The following COL6A5 variants were observed in gnomAD, a reference collection of about 807,000 sequenced individuals.
COL6A5 encodes the protein collagen type VI alpha 5 chain, also known as collagen alpha-5(VI) chain.
COL6A5 carries 48 observed loss-of-function variants against 65.6 expected under a neutral mutation model. That is an observed-to-expected ratio of 0.73 (90% CI 0.58 to 0.93). The LOEUF is 0.93. Among genes scored for constraint, COL6A5 ranks in the 40% least tolerant of loss-of-function variants. COL6A5 has a pLI of 0.00. For synonymous variants in COL6A5, 291 were observed against 322.8 expected (o/e 0.90, Z 1.05); for missense variants, 914 against 928.3 (o/e 0.98, Z 0.20).
chr3:130,438,173 T>C (rs943043518), intron 1 of COL6A5, among the ~76,000 whole-genome samples: 3 of 152,178 alleles, frequency 2.0e-5, no homozygotes, highest in African/African-American at 7.2e-5. Flanking sequence ...AATTTTTGTA[T>C]GTTTAGTAGA....
At chr3:130,412,721 A>G (rs913997966) in intron 20 of COL6A5, among the ~76,000 whole-genome samples, 2 of 152,146 alleles carry the variant, frequency 1.3e-5, no homozygotes, top group Non-Finnish European at 2.9e-5. Flanking sequence ...CTTAAAAGCA[A>G]AAAGTAGCTT....
intron 4 of COL6A5, among the ~76,000 whole-genome samples, chr3:130,445,390 T>C (rs1487349258): frequency 1.3e-5 from 2 of 152,318 alleles, no homozygotes; most frequent in African/African-American, 2.4e-5. Context: ...TAAATGACAA[T>C]TAATGCGTTG....
At chr3:130,348,145 G>A (rs1342655727) in intron 1 of COL6A5, among the ~76,000 whole-genome samples, 1 of 152,168 alleles carries the variant, frequency 6.6e-6, no homozygotes, top group African/African-American at 2.4e-5. Context: ...TGAGATACAT[G>A]TGCTGAACAT....
intron 2 of COL6A5, 56 bp downstream of exon 2, chr3:130,373,761 A>G (rs1935651272): frequency 2.0e-6 from 2 of 1,004,868 alleles, no homozygotes; most frequent in Non-Finnish European, 3.0e-6. Flanking sequence ...CATCTCAGTA[A>G]ACTTTAATAA....
At chr3:130,462,324 C>T (rs819078) in intron 5 of COL6A5, among the ~76,000 whole-genome samples, 2,191 of 152,102 alleles carry the variant, frequency 0.014, 45 homozygotes, top group African/African-American at 0.042. Context: ...GTTAAGCATG[C>T]GTCAGCACAA....
At chr3:130,421,174 T>G (rs1937510575) in exon 26 of COL6A5, 1 of 1,550,624 alleles carries the variant, frequency 6.4e-7, no homozygotes. Context: ...CATCCCAGGC[T>G]ACGGTCAGAT....
At chr3:130,417,500 A>G (rs1937378484) in intron 24 of COL6A5, among the ~76,000 whole-genome samples, 1 of 152,114 alleles carries the variant, frequency 6.6e-6, no homozygotes, top group Admixed American at 6.5e-5. Context: ...CCCATCAGAA[A>G]CAACTCTAAA....
chr3:130,403,644 G>A (rs908354264), exon 13 of COL6A5: 34 of 1,550,828 alleles, frequency 2.2e-5, no homozygotes, highest in African/African-American at 4.1e-5. Flanking sequence ...GAGGACACAG[G>A]GGAGAGGATG....
At position 130,423,918 on chromosome 3, in the gene COL6A5, A is replaced by T. The variant is rs1937558969; in HGVS notation, c.5163+18A>T. ...GACAGAGAGTAAGTGTATCCATAAG[A>T]ACTAAATAGGATATAGTAGTTTCCA... On this transcript the variant is annotated intron_variant and NMD_transcript_variant, in intron 29 of 41. Transcript: ENST00000312481. The T allele has an allele frequency of 6.5e-7, 1 of 1,528,834 alleles. No individual in the cohort carries two copies. Among genetic ancestry groups the T allele is most frequent in the African/African-American group, 1.4e-5 (1 of 72,518 alleles). The allele number at this position is 1,528,834 out of a possible 1,614,324, so 94.7% of individuals were successfully genotyped here.
At chr3:130,477,280 G>A in intron 7 of COL6A5, 2 of 499,048 alleles carry the variant, frequency 4.0e-6, no homozygotes, top group Non-Finnish European at 3.5e-6. Flanking sequence ...ATCCCTATTT[G>A]AATTATCTAA....
upstream of COL6A5, chr3:130,426,517 T>A: frequency 9.6e-7 from 1 of 1,037,512 alleles, no homozygotes; most frequent in Non-Finnish European, 1.5e-6. Context: ...GGGAAGCCTC[T>A]GTAACAAGCT....
chr3:130,389,694 A>G (rs1160032079), intron 6 of COL6A5, among the ~76,000 whole-genome samples: 1 of 151,850 alleles, frequency 6.6e-6, no homozygotes, highest in Admixed American at 6.6e-5. Context: ...AAAAATTGTA[A>G]TTTGTCACTT....
chr3:130,439,470 C>T (rs916303302), intron 1 of COL6A5, 52 bp from the exon 34 acceptor site: 22 of 1,349,230 alleles, frequency 1.6e-5, no homozygotes, highest in Non-Finnish European at 2.2e-5. Context: ...TGGTTTCCTA[C>T]TAGTGACTAA....
At chr3:130,395,053 C>A in exon 8 of COL6A5, 1 of 1,551,646 alleles carries the variant, frequency 6.4e-7, no homozygotes, top group Non-Finnish European at 8.7e-7. Flanking sequence ...TTGGAAGCAA[C>A]TACCAGAGTA....
intron 27 of COL6A5, among the ~76,000 whole-genome samples, chr3:130,422,219 T>C (rs1450233652): frequency 1.3e-5 from 2 of 152,082 alleles, no homozygotes; most frequent in Non-Finnish European, 2.9e-5. Context: ...GTCCTCATTG[T>C]AGAGGATCAA....
At chr3:130,421,032 A>G (rs978251353) in intron 25 of COL6A5, 121 bp from the exon 26 acceptor site, 15 of 823,452 alleles carry the variant, frequency 1.8e-5, no homozygotes, top group African/African-American at 8.6e-5. Context: ...AAGGTCACCA[A>G]TTAGGCCCCT....
Position 130,367,022 on chromosome 3 carries a change from T to G in COL6A5, c.-28-6589T>G, listed in dbSNP as rs148395433. Among the ~76,000 whole-genome samples, 22 of 152,364 alleles carry G rather than the reference T, an allele frequency of 1.4e-4. No individual in the cohort carries two copies. In the East Asian group the frequency reaches 4.2e-3, roughly 29 times the overall value. Reference sequence around the variant, plus strand: ...TCTTGGAGGAAGAATTTTATGTGTTTCACTCTGTGTCCAAAGCCTATTTCA... The same window carrying G: ...TCTTGGAGGAAGAATTTTATGTGTTGCACTCTGTGTCCAAAGCCTATTTCA... On this transcript the variant is annotated intron_variant and NMD_transcript_variant, in intron 1 of 41. Transcript: ENST00000312481.
chr3:130,480,365 TTAAA>T (rs770540767), intron 7 of COL6A5, among the ~76,000 whole-genome samples: 6 of 152,010 alleles, frequency 3.9e-5, no homozygotes, highest in Non-Finnish European at 5.9e-5. Context: ...GAACATACAC[TTAAA>T]TATATATATT....
At chr3:130,420,584 T>C (rs946836675) in intron 25 of COL6A5, among the ~76,000 whole-genome samples, 2 of 152,118 alleles carry the variant, frequency 1.3e-5, no homozygotes, top group Non-Finnish European at 2.9e-5. Context: ...TATGTACATG[T>C]TTCATAAAGG....
Sources: gnomAD v4.1 joint callset for allele counts (sites outside exome capture counted in the v4.1 genomes callset) on GRCh38, gnomAD v4.1.1 for gene constraint, MANE v1.5 for transcripts, NCBI Gene and HGNC (gene_info 2026-07-23, HGNC 2026-07-21) for gene names.